GALNT10: variants seen among roughly 807,000 people sequenced by gnomAD.
The protein encoded by GALNT10 is polypeptide N-acetylgalactosaminyltransferase 10.
In GALNT10, 41 loss-of-function variants were observed where a neutral mutation model predicts 75.0. That is an observed-to-expected ratio of 0.55 (90% CI 0.43 to 0.71). The LOEUF (loss-of-function observed/expected upper bound fraction) is 0.71, where lower values mean the gene tolerates loss of function less well. Ranked by LOEUF, GALNT10 falls within the 30% of genes least tolerant of loss-of-function variation. GALNT10 has a pLI of 0.00. For synonymous variants in GALNT10, 302 were observed against 313.0 expected (o/e 0.96, Z 0.37); for missense variants, 727 against 818.5 (o/e 0.89, Z 1.36).
intron 1 of GALNT10, among the ~76,000 whole-genome samples, chr5:154,271,173 C>T (rs951294826): frequency 6.6e-6 from 1 of 150,802 alleles, no homozygotes; most frequent in African/African-American, 2.4e-5. Flanking sequence ...TCTGGTGGTG[C>T]TTGCTGTAAG....
At chr5:154,191,095 C>G (rs904702892) in intron 1 of GALNT10, 70 bp downstream of exon 1, 44 of 1,057,200 alleles carry the variant, frequency 4.2e-5, no homozygotes, top group Non-Finnish European at 4.9e-5. Flanking sequence ...GTGGTTCCTT[C>G]CTCCACCTTC....
Position 154,412,954 on chromosome 5 carries a change from G to A in GALNT10, c.1452G>A (p.Arg484=), listed in dbSNP as rs759021293. The change falls in exon 10 of 12, where the codon AGG becomes AGA. Residue 484 remains arginine (R), a synonymous_variant. Coordinates refer to ENST00000297107, the MANE Select transcript of GALNT10 (RefSeq NM_198321.4). The surrounding 1 kb of genome is among the most constrained non-coding windows in gnomAD (Gnocchi z 4.2). ...ACGGGGCCTTGGGCTCCCCACTAAG[G>A]CTAGAGGGCTGCGTCCGAGGCCGTG... ...TKHGALGSPL[R]LEGCVRGRGE... 38 of 1,613,532 alleles carry A rather than the reference G, an allele frequency of 2.4e-5. No homozygotes were observed. Among genetic ancestry groups the A allele is most frequent in the Admixed American group, 3.3e-5 (2 of 59,990 alleles).
chr5:154,192,448 C>T (rs1774872240), intron 1 of GALNT10, among the ~76,000 whole-genome samples: 1 of 152,238 alleles, frequency 6.6e-6, no homozygotes, highest in Non-Finnish European at 1.5e-5. Flanking sequence ...TTCATGAAAT[C>T]TCTTTCCTCT....
At chr5:154,290,388 C>T (rs1434955753) in intron 1 of GALNT10, among the ~76,000 whole-genome samples, 1 of 150,724 alleles carries the variant, frequency 6.6e-6, no homozygotes, top group Non-Finnish European at 1.5e-5. Context: ...GGATTACAGG[C>T]GTAAGCCACC....
intron 4 of GALNT10, among the ~76,000 whole-genome samples, chr5:154,351,507 A>C (rs1183629155): frequency 6.6e-6 from 1 of 152,210 alleles, no homozygotes; most frequent in African/African-American, 2.4e-5. Flanking sequence ...ACAATGCAAT[A>C]TTTTTATAAT....
intron 4 of GALNT10, chr5:154,356,420 A>G: frequency 3.3e-6 from 1 of 301,114 alleles, no homozygotes; most frequent in Non-Finnish European, 6.6e-6. Context: ...GAGGTGTGGC[A>G]GGGCTGGGGG....
intron 4 of GALNT10, among the ~76,000 whole-genome samples, chr5:154,361,531 G>C (rs1321182000): frequency 6.6e-6 from 1 of 152,198 alleles, no homozygotes; most frequent in Non-Finnish European, 1.5e-5. Context: ...CCCGAACTTG[G>C]TTACTTGGTT....
At chr5:154,366,047 C>T (rs1755469595) in intron 4 of GALNT10, among the ~76,000 whole-genome samples, 1 of 152,228 alleles carries the variant, frequency 6.6e-6, no homozygotes, top group Non-Finnish European at 1.5e-5. Flanking sequence ...GGAACTCCAC[C>T]AGCAGTTGTT....
intron 1 of GALNT10, among the ~76,000 whole-genome samples, chr5:154,274,168 C>G (rs750374596): frequency 2.0e-5 from 3 of 152,124 alleles, no homozygotes; most frequent in Non-Finnish European, 2.9e-5. Context: ...GGCTGAATGT[C>G]ATTCAGATTC....
intron 1 of GALNT10, among the ~76,000 whole-genome samples, chr5:154,202,830 G>C (rs974950522): frequency 2.6e-5 from 4 of 152,280 alleles, no homozygotes; most frequent in Admixed American, 1.3e-4. Context: ...GGGCCTCTCT[G>C]CTTGTGGGGG....
At chr5:154,338,516 AT>A (rs562515055) in intron 4 of GALNT10, 113 of 199,882 alleles carry the variant, frequency 5.7e-4, no homozygotes, top group South Asian at 1.8e-3. Flanking sequence ...GAAAGCTACA[AT>A]TTTTTTTTTC....
chr5:154,410,995 G>A (rs1250459814), intron 9 of GALNT10, among the ~76,000 whole-genome samples: 1 of 152,218 alleles, frequency 6.6e-6, no homozygotes, highest in South Asian at 2.1e-4. Context: ...CATGCTGGCC[G>A]AGGCAGACCA....
intron 5 of GALNT10, among the ~76,000 whole-genome samples, chr5:154,378,428 G>A (rs1283188709): frequency 6.6e-6 from 1 of 152,122 alleles, no homozygotes; most frequent in Admixed American, 6.5e-5. Flanking sequence ...GGCAGACCAG[G>A]CATCATTATC....
chr5:154,376,381 G>A lies in GALNT10; in HGVS notation c.673G>A (p.Ala225Thr), dbSNP rs1561675806. ...EGLIRTRMLG[A>T]SVATGDVITF... ...GCTGATAAGGACCCGAATGCTGGGG[G>A]CCTCAGTGGCAACTGGGGATGTCAT... is the stretch of plus-strand genomic sequence containing the variant. Residue 225 changes from alanine to threonine, a missense_variant, in exon 5 of 12, where the codon GCC becomes ACC. Coordinates refer to ENST00000297107, the MANE Select transcript of GALNT10 (RefSeq NM_198321.4). This position sits in a 1 kb window ranked among gnomAD's most constrained non-coding sequence, Gnocchi z 4.1. The A allele has an allele frequency of 6.2e-7, 1 of 1,608,332 alleles. No homozygotes were observed. Among genetic ancestry groups the A allele is most frequent in the Non-Finnish European group, 8.5e-7 (1 of 1,177,602 alleles).
At chr5:154,305,127 T>C (rs545034271) in intron 3 of GALNT10, among the ~76,000 whole-genome samples, 61 of 152,070 alleles carry the variant, frequency 4.0e-4, no homozygotes, top group African/African-American at 1.5e-3. Context: ...ACCCCATTTC[T>C]AAAATTAAAA....
intron 4 of GALNT10, among the ~76,000 whole-genome samples, chr5:154,367,532 G>T (rs1755495033): frequency 6.6e-6 from 1 of 152,126 alleles, no homozygotes; most frequent in Non-Finnish European, 1.5e-5. Context: ...GCTGGGGTAG[G>T]GGGCAGAATA....
chr5:154,380,665 C>T (rs1189879302), intron 6 of GALNT10, 34 bp downstream of exon 6: 1 of 1,492,346 alleles, frequency 6.7e-7, no homozygotes. Flanking sequence ...GTCCCAGTGG[C>T]TACCCAGTGA....
At position 154,417,554 on chromosome 5, in the gene GALNT10, AG is replaced by A. The variant is rs1756540479; in HGVS notation, c.*584del. The A allele has an allele frequency of 6.5e-6, 1 of 153,620 alleles. No homozygotes were observed. Among genetic ancestry groups the A allele is most frequent in the South Asian group, 2.0e-4 (1 of 4,906 alleles). The allele number at this position is 153,620 out of a possible 1,614,324, so 9.5% of individuals were successfully genotyped here. A position where few individuals can be genotyped will look rare whatever the true frequency, so the allele number is the denominator to read the frequency against. ...ACCCCAGGTGATTTGGTCCGGTCAA[AG>A]GCCATACTTGGGGCCCTAAGAGTGT... On this transcript the variant is annotated 3_prime_UTR_variant, in exon 12 of 12. Coordinates refer to ENST00000297107, the MANE Select transcript of GALNT10 (RefSeq NM_198321.4).
In GALNT10 at chr5:154,207,350, T is replaced by C. The variant is rs576854548; in HGVS notation, c.159+16325T>C. ...CTGTCCTGGGAGCACCTCTGCCTTA[T>C]CTGGTCTGGTTGCAGGGAGGTTGCA... On this transcript the variant is annotated intron_variant, in intron 1 of 11. Transcript: ENST00000297107. 3.6e-4 allele frequency among the ~76,000 whole-genome samples: 55 copies of C among 152,276 alleles called. 1 individual carries two copies. In the South Asian group the frequency reaches 0.011, roughly 31 times the overall value.
Sources: allele counts gnomAD v4.1 joint callset (sites outside exome capture counted in the v4.1 genomes callset), GRCh38; gene constraint gnomAD v4.1.1; non-coding constraint Gnocchi (gnomAD v3.1); transcripts MANE v1.5; gene names NCBI Gene and HGNC (gene_info 2026-07-23, HGNC 2026-07-21).